CREB5: variants seen among roughly 807,000 people sequenced by gnomAD.
The protein encoded by CREB5 is cAMP responsive element binding protein 5.
CREB5 carries 19 observed loss-of-function variants against 57.1 expected under a neutral mutation model. That is an observed-to-expected ratio of 0.33 (90% CI 0.23 to 0.49). The LOEUF is 0.49. Among genes scored for constraint, CREB5 ranks in the 20% least tolerant of loss-of-function variants. The pLI is 0.99. For missense variants in CREB5, 579 were observed against 671.6 expected, an observed-to-expected ratio of 0.86 and a Z score of 1.52; for synonymous variants, 238 against 238.3, an observed-to-expected ratio of 1.00 and a Z score of 0.01.
chr7:28,354,850 A>G (rs1371097802), intron 1 of CREB5, among the ~76,000 whole-genome samples: 5 of 152,194 alleles, frequency 3.3e-5, no homozygotes, highest in Non-Finnish European at 7.3e-5. Flanking sequence ...GAGGCTGTGT[A>G]AGAAGCTGAC....
At chr7:28,409,094 G>A (rs1053340896), upstream of CREB5, among the ~76,000 whole-genome samples, 1 of 151,920 alleles carries the variant, frequency 6.6e-6, no homozygotes, top group African/African-American at 2.4e-5. The surrounding 1 kb of genome is among the most constrained non-coding windows in gnomAD (Gnocchi z 4.4). Flanking sequence ...TAATGTCAGG[G>A]AGCCGTGTCA....
intron 9 of CREB5, among the ~76,000 whole-genome samples, chr7:28,816,880 G>C (rs747088120): frequency 2.3e-4 from 35 of 152,348 alleles, no homozygotes; most frequent in Non-Finnish European, 4.0e-4. Flanking sequence ...TGACCAAAGA[G>C]AGGATATTAT....
At chr7:28,421,769 C>CTATA (rs151244858) in intron 1 of CREB5, among the ~76,000 whole-genome samples, 4,246 of 98,320 alleles carry the variant, frequency 0.043, 69 homozygotes, top group Non-Finnish European at 0.064. Context: ...TACACACACA[C>CTATA]TATATATATA....
intron 1 of CREB5, among the ~76,000 whole-genome samples, chr7:28,404,139 A>G (rs990986320): frequency 1.3e-5 from 2 of 152,112 alleles, no homozygotes; most frequent in African/African-American, 2.4e-5. Context: ...CGTTCTGCCA[A>G]CTCTCTGCTT....
intron 1 of CREB5, among the ~76,000 whole-genome samples, chr7:28,476,151 C>T (rs570831299): frequency 1.3e-5 from 2 of 152,294 alleles, no homozygotes; most frequent in East Asian, 3.9e-4. Flanking sequence ...TCTCCGAGGT[C>T]CTTCTCGGGA....
At chr7:28,775,320 A>T (rs1189681988) in intron 7 of CREB5, among the ~76,000 whole-genome samples, 2 of 151,950 alleles carry the variant, frequency 1.3e-5, no homozygotes, top group Non-Finnish European at 2.9e-5. Flanking sequence ...GCCTCACCTA[A>T]TAGAAATTGA....
intron 5 of CREB5, among the ~76,000 whole-genome samples, chr7:28,694,380 G>A (rs1318511391): frequency 6.6e-6 from 1 of 151,944 alleles, no homozygotes; most frequent in Non-Finnish European, 1.5e-5. Flanking sequence ...TTATTTTTCT[G>A]AGTTCAGCTC....
intron 1 of CREB5, among the ~76,000 whole-genome samples, chr7:28,328,423 T>C (rs111962492): frequency 5.9e-5 from 9 of 152,332 alleles, no homozygotes; most frequent in African/African-American, 1.9e-4. Context: ...GTTTCAAGTA[T>C]CTTTGGCAAG....
chr7:28,621,353 C>T (rs1422084351), intron 5 of CREB5, among the ~76,000 whole-genome samples: 1 of 152,090 alleles, frequency 6.6e-6, no homozygotes, highest in Non-Finnish European at 1.5e-5. Context: ...ATTTACAATA[C>T]CCCTTTTGCC....
At chr7:28,416,680 C>A (rs1202507885) in intron 1 of CREB5, among the ~76,000 whole-genome samples, 3 of 152,216 alleles carry the variant, frequency 2.0e-5, no homozygotes, top group African/African-American at 7.2e-5. Flanking sequence ...AAAATCATAT[C>A]AGGGAATGAT....
At chr7:28,452,372 T>G (rs1562725985) in intron 1 of CREB5, among the ~76,000 whole-genome samples, 2 of 152,142 alleles carry the variant, frequency 1.3e-5, no homozygotes, top group East Asian at 3.8e-4. Context: ...TTTTATAGAC[T>G]AAAAAACCCA....
Position 28,824,383 on chromosome 7 carries a change from G to A in CREB5, c.*5104G>A, listed in dbSNP as rs1381435199. Reference sequence around the variant, plus strand: ...GAGACTTATTCTTTTGTGCACCCTGGTGCACATCTGACTGTTGTCCTAGCC... The same window carrying A: ...GAGACTTATTCTTTTGTGCACCCTGATGCACATCTGACTGTTGTCCTAGCC... On this transcript the variant is annotated 3_prime_UTR_variant, in exon 11 of 11. Coordinates refer to ENST00000357727, the MANE Select transcript of CREB5 (RefSeq NM_182898.4). 6.6e-6 allele frequency: 1 copy of A among 152,548 alleles called. No homozygotes were observed. Among genetic ancestry groups the A allele is most frequent in the Admixed American group, 6.6e-5 (1 of 15,266 alleles). The allele number at this position is 152,548 out of a possible 1,614,324, so 9.4% of individuals were successfully genotyped here. A position where few individuals can be genotyped will look rare whatever the true frequency, so the allele number is the denominator to read the frequency against.
chr7:28,708,590 C>A (rs1197180789), intron 5 of CREB5, among the ~76,000 whole-genome samples: 1 of 152,188 alleles, frequency 6.6e-6, no homozygotes, highest in Non-Finnish European at 1.5e-5. Flanking sequence ...CCGGGAAGAT[C>A]CAATAGATCT....
chr7:28,368,931 AG>A (rs1473831591), intron 1 of CREB5, among the ~76,000 whole-genome samples: 4 of 152,156 alleles, frequency 2.6e-5, no homozygotes, highest in Admixed American at 2.6e-4. Context: ...CTGTAGTCCC[AG>A]CTACTTGGAA....
intron 4 of CREB5, among the ~76,000 whole-genome samples, chr7:28,528,007 G>T (rs1271386580): frequency 6.6e-6 from 1 of 152,196 alleles, no homozygotes; most frequent in Non-Finnish European, 1.5e-5. Context: ...ACCTTGCAAA[G>T]TTATAGTGAG....
At chr7:28,418,484 C>T (rs1162914614) in intron 1 of CREB5, among the ~76,000 whole-genome samples, 1 of 152,178 alleles carries the variant, frequency 6.6e-6, no homozygotes, top group Non-Finnish European at 1.5e-5. Context: ...CAGAGAGCCT[C>T]TGCATCCCCA....
At chr7:28,734,840 A>G (rs749319774) in intron 7 of CREB5, among the ~76,000 whole-genome samples, 74 of 152,276 alleles carry the variant, frequency 4.9e-4, no homozygotes, top group Middle Eastern at 3.4e-3. Flanking sequence ...CATTTCTTAC[A>G]TTATAGGTAA....
chr7:28,627,130 A>G (rs1798026052), intron 5 of CREB5, among the ~76,000 whole-genome samples: 1 of 152,146 alleles, frequency 6.6e-6, no homozygotes, highest in Non-Finnish European at 1.5e-5. Flanking sequence ...CATAATTAAG[A>G]TGGTGGTTCA....
intron 1 of CREB5, among the ~76,000 whole-genome samples, chr7:28,388,161 C>A (rs750822138): frequency 6.6e-6 from 1 of 152,148 alleles, no homozygotes; most frequent in African/African-American, 2.4e-5. Flanking sequence ...CCATCTGAGT[C>A]CACATTAGAT....
Sources: allele counts gnomAD v4.1 joint callset (sites outside exome capture counted in the v4.1 genomes callset), GRCh38; gene constraint gnomAD v4.1.1; non-coding constraint Gnocchi (gnomAD v3.1); transcripts MANE v1.5; gene names NCBI Gene and HGNC (gene_info 2026-07-23, HGNC 2026-07-21).